DROSHA: variants seen among roughly 807,000 people sequenced by gnomAD.
DROSHA encodes ribonuclease 3.
A neutral mutation model predicts 181.9 loss-of-function variants in DROSHA; 56 were observed. The ratio of observed to expected loss-of-function variants is 0.31; its 90% CI spans 0.25 to 0.38. DROSHA has a LOEUF of 0.38. DROSHA is among the 10% of genes least tolerant of loss of function. DROSHA has a pLI of 1.00. For synonymous variants in DROSHA, 524 were observed against 591.2 expected, an observed-to-expected ratio of 0.89 and a Z score of 1.65; for missense variants, 1,218 against 1,743.5, an observed-to-expected ratio of 0.70 and a Z score of 5.37.
At chr5:31,475,236 T>C (rs1323789262) in intron 16 of DROSHA, among the ~76,000 whole-genome samples, 1 of 152,218 alleles carries the variant, frequency 6.6e-6, no homozygotes, top group Non-Finnish European at 1.5e-5. Context: ...GAGGATCACC[T>C]GAGCCCTGAA....
intron 27 of DROSHA, among the ~76,000 whole-genome samples, chr5:31,427,599 C>T (rs1158782237): frequency 1.3e-5 from 2 of 152,148 alleles, no homozygotes; most frequent in East Asian, 1.9e-4. Context: ...GGGACGGCAC[C>T]CAATCCCAAA....
intron 24 of DROSHA, among the ~76,000 whole-genome samples, chr5:31,436,259 C>T (rs1744769078): frequency 6.6e-6 from 1 of 152,046 alleles, no homozygotes; most frequent in Admixed American, 6.5e-5. Flanking sequence ...CTGATTATGT[C>T]CATCTTGTGA....
chr5:31,457,417 G>T (rs1035735591), intron 20 of DROSHA, among the ~76,000 whole-genome samples: 1 of 152,134 alleles, frequency 6.6e-6, no homozygotes, highest in Admixed American at 6.5e-5. Flanking sequence ...GAGCCACTGC[G>T]TGCGTAGCCA....
chr5:31,504,492 C>G, intron 11 of DROSHA, 63 bp downstream of exon 11: 1 of 1,538,740 alleles, frequency 6.5e-7, no homozygotes, highest in Non-Finnish European at 8.9e-7. Context: ...GAAAGAACAG[C>G]AACAACATCT....
intron 30 of DROSHA, among the ~76,000 whole-genome samples, chr5:31,412,834 T>C (rs1741475979): frequency 6.6e-6 from 1 of 152,220 alleles, no homozygotes; most frequent in Non-Finnish European, 1.5e-5. Context: ...ATAATTGAGC[T>C]GAAAGTGATA....
At chr5:31,410,707 C>T in intron 31 of DROSHA, 39 bp downstream of exon 31, 3 of 1,596,730 alleles carry the variant, frequency 1.9e-6, no homozygotes, top group Non-Finnish European at 2.6e-6. Flanking sequence ...GACTTAAACT[C>T]TGAACCTGGA....
intron 15 of DROSHA, among the ~76,000 whole-genome samples, chr5:31,484,116 A>G (rs1195834390): frequency 1.3e-5 from 2 of 152,168 alleles, no homozygotes; most frequent in African/African-American, 4.8e-5. Flanking sequence ...TCACGCCTGT[A>G]ATCCCAGCAC....
intron 8 of DROSHA, among the ~76,000 whole-genome samples, chr5:31,513,194 T>C (rs1738886517): frequency 6.6e-6 from 1 of 152,164 alleles, no homozygotes; most frequent in Admixed American, 6.5e-5. Context: ...CAACATGCCC[T>C]CTGCATCCTG....
At chr5:31,436,759 CACACACACACACACACACACACA>C (rs1240714425) in intron 24 of DROSHA, among the ~76,000 whole-genome samples, 3 of 113,010 alleles carry the variant, frequency 2.7e-5, no homozygotes, top group African/African-American at 1.0e-4. Flanking sequence ...CACACACACA[CACACACACACACACACACACACA>C]CACACACACA....
intron 15 of DROSHA, 54 bp downstream of exon 15, chr5:31,484,827 T>C (rs1414308807): frequency 3.1e-6 from 4 of 1,271,740 alleles, no homozygotes; most frequent in South Asian, 1.4e-5. Context: ...TTTTCACATA[T>C]ACCATAATGT....
At chr5:31,492,014 G>A (rs1040723926) in intron 13 of DROSHA, among the ~76,000 whole-genome samples, 2 of 152,104 alleles carry the variant, frequency 1.3e-5, no homozygotes. Context: ...AGCTGGTCTT[G>A]AACTCCTGAC....
chr5:31,444,673 AT>A (rs1250560681), intron 23 of DROSHA, among the ~76,000 whole-genome samples: 1 of 152,182 alleles, frequency 6.6e-6, no homozygotes, highest in Admixed American at 6.5e-5. Flanking sequence ...GGTATATAGA[AT>A]TCTACTTATT....
chr5:31,422,114 A>G (rs1742827621), intron 29 of DROSHA, among the ~76,000 whole-genome samples: 1 of 150,836 alleles, frequency 6.6e-6, no homozygotes, highest in Non-Finnish European at 1.5e-5. Context: ...AGAAAGAAAG[A>G]AAAAGAAAAA....
At chr5:31,430,950 T>C (rs1744100010) in intron 26 of DROSHA, among the ~76,000 whole-genome samples, 1 of 148,484 alleles carries the variant, frequency 6.7e-6, no homozygotes, top group African/African-American at 2.4e-5. Flanking sequence ...TTGTAAAGCA[T>C]ACAAACTTGC....
In DROSHA at chr5:31,526,061, T is replaced by A. The variant is rs1281729779; in HGVS notation, c.854+18A>T. On this transcript the variant is annotated intron_variant, in intron 5 of 35. Transcript: ENST00000344624. ...GGGCCTCTGCAGTTCATTAAAGAAC[T>A]ACACACAAGCGGTTTACCTGCTCCG... 8.4e-6 allele frequency: 13 copies of A among 1,553,348 alleles called. No individual in the cohort carries two copies. Among genetic ancestry groups the A allele is most frequent in the Middle Eastern group, 3.5e-4 (2 of 5,748 alleles).
rs769557468 is a variant in DROSHA at position 31,464,268 on chromosome 5, A to G, written c.2542T>C (p.Trp848Arg). The G allele has an allele frequency of 1.9e-6, 3 of 1,613,530 alleles. No homozygotes were observed. Among genetic ancestry groups the G allele is most frequent in the Middle Eastern group, 1.7e-4 (1 of 6,060 alleles). Residue 848 changes from tryptophan to arginine, a missense_variant, in exon 20 of 36, where the codon TGG becomes CGG. By Grantham distance (101) the Trp-to-Arg change is moderately radical (BLOSUM62 -3). Coordinates refer to ENST00000344624, the MANE Select transcript of DROSHA (RefSeq NM_001382508.1). Reference sequence around the variant, plus strand: ...ACATCAGAACGGATGCCAGTTTTCCAGAATCCTTGGCTACTTAGCTCCACC... The same window carrying G: ...ACATCAGAACGGATGCCAGTTTTCCGGAATCCTTGGCTACTTAGCTCCACC... ...VTVELSSQGF[W>R]KTGIRSDVCQ...
chr5:31,495,994 G>A (rs563757691), intron 11 of DROSHA, among the ~76,000 whole-genome samples: 1 of 152,300 alleles, frequency 6.6e-6, no homozygotes, highest in East Asian at 1.9e-4. Flanking sequence ...AGTTGGGGCT[G>A]GGAGAGGTGT....
intron 33 of DROSHA, among the ~76,000 whole-genome samples, chr5:31,407,382 C>T (rs1033856182): frequency 1.3e-5 from 2 of 152,146 alleles, no homozygotes; most frequent in East Asian, 3.8e-4. Context: ...GCTTTCACAT[C>T]CTTTATGGAT....
At chr5:31,437,694 G>C (rs1056345738) in intron 23 of DROSHA, among the ~76,000 whole-genome samples, 2 of 152,162 alleles carry the variant, frequency 1.3e-5, no homozygotes, top group Admixed American at 1.3e-4. Context: ...CCTAAAGACA[G>C]TTCCCCATCA....
Sources: gnomAD v4.1 joint callset for allele counts (sites outside exome capture counted in the v4.1 genomes callset) on GRCh38, gnomAD v4.1.1 for gene constraint, MANE v1.5 for transcripts, NCBI Gene and HGNC (gene_info 2026-07-23, HGNC 2026-07-21) for gene names.